CACNA1B: variants seen among roughly 807,000 people sequenced by gnomAD.
The protein encoded by CACNA1B is voltage-dependent N-type calcium channel subunit alpha-1B.
Under a neutral mutation model 247.2 loss-of-function variants are expected in CACNA1B, and 70 were observed. The observed-to-expected ratio is 0.28, with a 90% confidence interval of 0.23 to 0.35. CACNA1B has a LOEUF of 0.35. Ranked by LOEUF, CACNA1B falls within the 10% of genes least tolerant of loss-of-function variation. CACNA1B has a pLI of 1.00. For missense variants in CACNA1B, 2,367 were observed against 3,197.4 expected (o/e 0.74, Z 6.26); for synonymous variants, 1,231 against 1,294.4 (o/e 0.95, Z 1.05).
At position 137,971,941 on chromosome 9, in the gene CACNA1B, C is replaced by T. The variant is rs2133365807; in HGVS notation, c.1543+349C>T. 6.6e-6 allele frequency among the ~76,000 whole-genome samples: 1 copy of T among 152,244 alleles called. No homozygotes were observed. Among genetic ancestry groups the T allele is most frequent in the Admixed American group, 6.5e-5 (1 of 15,304 alleles). On this transcript the variant is annotated intron_variant, in intron 11 of 46. Coordinates refer to ENST00000371372, the MANE Select transcript of CACNA1B (RefSeq NM_000718.4). The surrounding 1 kb of genome is among the most constrained non-coding windows in gnomAD (Gnocchi z 4.4). ...TCAGGCCAGGCAGATGGGTGTCCTCCCCTGAGAGGGCTTCAGACCCACAGA... is the reference window on the plus strand; with the variant it reads ...TCAGGCCAGGCAGATGGGTGTCCTCTCCTGAGAGGGCTTCAGACCCACAGA...
At chr9:138,003,638 C>T (rs1369554520) in intron 15 of CACNA1B, among the ~76,000 whole-genome samples, 2 of 151,884 alleles carry the variant, frequency 1.3e-5, no homozygotes, top group East Asian at 3.9e-4. Context: ...TTAGTATATA[C>T]AAGAATACAT....
In CACNA1B at chr9:138,010,266, C is replaced by T. The variant is rs572152231; in HGVS notation, c.2160+189C>T. On this transcript the variant is annotated intron_variant, in intron 17 of 46. Transcript: ENST00000371372. The surrounding 1 kb of genome is among the most constrained non-coding windows in gnomAD (Gnocchi z 5.3). Reference sequence around the variant, plus strand: ...GAGGATGCAGGGAGAGCCAAAGCCCCGAAGGCAGATGGACAGGCAGGCTCT... The same window carrying T: ...GAGGATGCAGGGAGAGCCAAAGCCCTGAAGGCAGATGGACAGGCAGGCTCT... Among the ~76,000 whole-genome samples the T allele has an allele frequency of 4.6e-5, 7 of 152,244 alleles. No homozygotes were observed. The highest frequency in any genetic ancestry group is 3.3e-4 in the Admixed American group (5 of 15,306).
intron 6 of CACNA1B, among the ~76,000 whole-genome samples, chr9:137,923,465 A>G (rs1957514105): frequency 6.6e-6 from 1 of 150,626 alleles, no homozygotes; most frequent in Admixed American, 6.6e-5. Flanking sequence ...CCGTGGTGCC[A>G]GGTAGTATTC....
At chr9:137,923,902 C>T (rs750052301) in intron 6 of CACNA1B, among the ~76,000 whole-genome samples, 3 of 152,194 alleles carry the variant, frequency 2.0e-5, no homozygotes, top group Non-Finnish European at 4.4e-5. Flanking sequence ...TGGTGTTGAG[C>T]ATCTTTCTGG....
intron 3 of CACNA1B, among the ~76,000 whole-genome samples, chr9:137,910,113 G>A (rs1299760306): frequency 6.6e-6 from 1 of 152,086 alleles, no homozygotes; most frequent in African/African-American, 2.4e-5. Context: ...ATTTCATTGT[G>A]GTTTTGATGT....
rs1958731890 is a variant in CACNA1B, at chr9:138,012,136, G to C, written c.2161-993G>C. 6.6e-6 allele frequency among the ~76,000 whole-genome samples: 1 copy of C among 152,244 alleles called. No individual in the cohort carries two copies. Among genetic ancestry groups the C allele is most frequent in the African/African-American group, 2.4e-5 (1 of 41,470 alleles). On this transcript the variant is annotated intron_variant, in intron 17 of 46. Transcript: ENST00000371372. This position sits in a 1 kb window ranked among gnomAD's most constrained non-coding sequence, Gnocchi z 4.2. ...AGGAGCCATGTGAAGTTCAGGGCCA[G>C]GCACTGCAAGTGGTCACCCAGGAGT... is the stretch of plus-strand genomic sequence containing the variant.
intron 6 of CACNA1B, among the ~76,000 whole-genome samples, chr9:137,940,606 C>T (rs1957722607): frequency 6.6e-6 from 1 of 152,096 alleles, no homozygotes; most frequent in African/African-American, 2.4e-5. Flanking sequence ...CTGGAAAGGA[C>T]ATAACCAAAA....
chr9:137,984,261 T>C lies in CACNA1B; in HGVS notation c.1769+11T>C. The stretch of plus-strand genomic sequence containing the variant: ...CTTCAAAGTCACGAAGTACGTCCCC[T>C]GCGCTCCCAGGCGAGGGCAGGTGTA... On this transcript the variant is annotated intron_variant, in intron 13 of 46. Transcript: ENST00000371372. The C allele has an allele frequency of 6.4e-7, 1 of 1,557,820 alleles. No individual in the cohort carries two copies. Among genetic ancestry groups the C allele is most frequent in the Non-Finnish European group, 8.7e-7 (1 of 1,146,878 alleles).
At chr9:137,918,073 C>T (rs1410724844) in intron 6 of CACNA1B, among the ~76,000 whole-genome samples, 1 of 152,212 alleles carries the variant, frequency 6.6e-6, no homozygotes, top group African/African-American at 2.4e-5. Flanking sequence ...GTGGCTTGTG[C>T]ATTTGTTTCC....
At chr9:138,118,809 T>TG (rs958158710) in intron 44 of CACNA1B, 41 bp downstream of exon 44, 3 of 844,322 alleles carry the variant, frequency 3.6e-6, no homozygotes, top group East Asian at 5.9e-5. Flanking sequence ...GCTGGGCAAG[T>TG]GGGGGGTGGG....
intron 10 of CACNA1B, among the ~76,000 whole-genome samples, chr9:137,959,798 C>A (rs1443713116): frequency 6.6e-6 from 1 of 152,176 alleles, no homozygotes; most frequent in Admixed American, 6.5e-5. Flanking sequence ...GGCCGCGACA[C>A]TGGAGAAACT....
intron 40 of CACNA1B, 45 bp downstream of exon 40, chr9:138,112,550 TC>T (rs1353973579): frequency 3.1e-6 from 4 of 1,297,842 alleles, no homozygotes; most frequent in Non-Finnish European, 1.1e-6. Flanking sequence ...ACCTTTACTG[TC>T]CCACCCAGAG....
At chr9:137,908,789 C>A (rs1957326332) in intron 3 of CACNA1B, among the ~76,000 whole-genome samples, 1 of 150,818 alleles carries the variant, frequency 6.6e-6, no homozygotes, top group African/African-American at 2.4e-5. Flanking sequence ...TGCCACCATG[C>A]CTGGCTAATT....
At chr9:137,939,056 C>T (rs368101917) in intron 6 of CACNA1B, among the ~76,000 whole-genome samples, 6 of 151,410 alleles carry the variant, frequency 4.0e-5, no homozygotes, top group South Asian at 2.1e-4. Context: ...GGTGACAGAG[C>T]GAGATTCTGT....
At chr9:138,113,882 A>T (rs113870084) in intron 40 of CACNA1B, among the ~76,000 whole-genome samples, 282 of 106,472 alleles carry the variant, frequency 2.6e-3, no homozygotes, top group Middle Eastern at 6.9e-3. Context: ...GCCCAACTCC[A>T]CCTTGTGGGA....
rs1302847058 is a variant in CACNA1B at position 138,059,678 on chromosome 9, G to A, written c.4609G>A (p.Val1537Ile). 1 of 1,608,080 alleles carries A rather than the reference G, an allele frequency of 6.2e-7. No homozygotes were observed. Among genetic ancestry groups the A allele is most frequent in the Non-Finnish European group, 8.5e-7 (1 of 1,174,464 alleles). Residue 1537 changes from valine (V) to isoleucine (I), a missense_variant, in exon 31 of 47, where the codon GTC (valine) becomes ATC (isoleucine). Around this residue, in one of 12 missense-constraint regions of CACNA1B, gnomAD observed 436 missense variants for 679.5 expected, o/e 0.64. Coordinates refer to ENST00000371372, the MANE Select transcript of CACNA1B (RefSeq NM_000718.4). This position sits in a 1 kb window ranked among gnomAD's most constrained non-coding sequence, Gnocchi z 4.2. ...GAACTATTTCAGAGATGCCTGGAATGTCTTTGACTTTGTCACTGTGTTGGG... is the reference window on the plus strand; with the variant it reads ...GAACTATTTCAGAGATGCCTGGAATATCTTTGACTTTGTCACTGTGTTGGG... Reference protein sequence around the residue: ...VLNYFRDAWNVFDFVTVLGSI... With the variant: ...VLNYFRDAWNIFDFVTVLGSI...
intron 3 of CACNA1B, among the ~76,000 whole-genome samples, chr9:137,897,711 C>CTTATTATT (rs139525655): frequency 8.6e-5 from 13 of 151,410 alleles, no homozygotes; most frequent in Non-Finnish European, 1.8e-4. Context: ...TCATTTTAAT[C>CTTATTATT]ATTATTATTA....
intron 36 of CACNA1B, among the ~76,000 whole-genome samples, chr9:138,087,082 TAAG>T (rs1488000630): frequency 1.3e-5 from 2 of 151,210 alleles, no homozygotes; most frequent in African/African-American, 2.4e-5. Context: ...AGGAAGAAAT[TAAG>T]AAGGCAGTTT....
chr9:138,025,304 G>A lies in CACNA1B; in HGVS notation c.3286+132G>A. On this transcript the variant is annotated intron_variant, in intron 20 of 46. Coordinates refer to ENST00000371372, the MANE Select transcript of CACNA1B (RefSeq NM_000718.4). ...TGAATTGTTCTCCTGGCTGGAGAGA[G>A]AGTCCTTTGCTGTCAACATCTGTCC... The A allele has an allele frequency of 6.2e-6, 4 of 644,508 alleles. No individual in the cohort carries two copies. In the South Asian group the frequency reaches 7.2e-5, roughly 12 times the overall value. 39.9% of individuals were successfully genotyped at this position (644,508 alleles called of 1,614,324 possible). A position where few individuals can be genotyped will look rare whatever the true frequency, so the allele number is the denominator to read the frequency against.
Sources: gnomAD v4.1 joint callset for allele counts (sites outside exome capture counted in the v4.1 genomes callset) on GRCh38, gnomAD v4.1.1 for gene constraint, gnomAD v4.1.1 regional missense constraint, Gnocchi (gnomAD v3.1) non-coding constraint, MANE v1.5 for transcripts, NCBI Gene and HGNC (gene_info 2026-07-23, HGNC 2026-07-21) for gene names.